LMTK3: variants seen among roughly 807,000 people sequenced by gnomAD.
LMTK3 encodes serine/threonine-protein kinase LMTK3.
Under a neutral mutation model 116.7 loss-of-function variants are expected in LMTK3, and 27 were observed. The observed-to-expected ratio is 0.23, with a 90% confidence interval of 0.17 to 0.32. LMTK3 has a LOEUF of 0.32. Ranked by LOEUF, LMTK3 falls within the 10% of genes least tolerant of loss-of-function variation. The probability of loss-of-function intolerance (pLI) is 1.00; values close to 1 mark genes in which losing one functional copy is unlikely to be tolerated. For missense variants in LMTK3, 1,764 were observed against 2,068.5 expected, an observed-to-expected ratio of 0.85 and a Z score of 2.86; for synonymous variants, 965 against 971.0, an observed-to-expected ratio of 0.99 and a Z score of 0.11.
At position 48,502,891 on chromosome 19, in the gene LMTK3, A is replaced by G. The variant is rs1569105540; in HGVS notation, c.645+18T>C. 6.3e-7 allele frequency: 1 copy of G among 1,593,666 alleles called. No homozygotes were observed. The highest frequency in any genetic ancestry group is 2.2e-5 in the East Asian group (1 of 44,526). ...CAGCTGCCCCCTCTGCCCTTCCCCAACCCCCCAAGACCCTCACCAGTTGAC... is the reference window on the plus strand; with the variant it reads ...CAGCTGCCCCCTCTGCCCTTCCCCAGCCCCCCAAGACCCTCACCAGTTGAC... On this transcript the variant is annotated intron_variant, in intron 6 of 14. Transcript: ENST00000600059.
Position 48,510,568 on chromosome 19 carries a change from G to A in LMTK3, c.101C>T (p.Pro34Leu). 1 of 1,595,070 alleles carries A rather than the reference G, an allele frequency of 6.3e-7. No individual in the cohort carries two copies. The highest frequency in any genetic ancestry group is 8.5e-7 in the Non-Finnish European group (1 of 1,172,000). ...GACCACAGCGTAGGGAGGAGCCAGA[G>A]GAGCCCGGCCCAGGGCGAATCCATC... ...HPDGFALGRA[P>L]LAPPYAVVLI... Residue 34 changes from proline to leucine, a missense_variant, in exon 2 of 15, where the codon CCT becomes CTT. Pro to Leu is a moderately conservative substitution (Grantham distance 98, BLOSUM62 -3). Around this residue, in one of 7 missense-constraint regions of LMTK3, gnomAD observed 66 missense variants for 61.1 expected, o/e 1.08. Coordinates refer to ENST00000600059, the MANE Select transcript of LMTK3 (RefSeq NM_001388485.1).
At chr19:48,513,533 G>T (rs1972694633), upstream of LMTK3, 1 of 281,836 alleles carries the variant, frequency 3.5e-6, no homozygotes, top group Non-Finnish European at 6.8e-6. This position sits in a 1 kb window ranked among gnomAD's most constrained non-coding sequence, Gnocchi z 5.6. Context: ...AGCGCCCCGA[G>T]CTGCAGACAC....
Position 48,494,131 on chromosome 19 carries a change from G to T in LMTK3, c.3677-22C>A. The T allele has an allele frequency of 8.5e-7, 1 of 1,181,994 alleles. No homozygotes were observed. Among genetic ancestry groups the T allele is most frequent in the South Asian group, 4.2e-5 (1 of 23,728 alleles). The allele number at this position is 1,181,994 out of a possible 1,614,324, so 73.2% of individuals were successfully genotyped here. A position where few individuals can be genotyped will look rare whatever the true frequency, so the allele number is the denominator to read the frequency against. ...CTGGCTGCGAGGGGAGAGACCTGGT[G>T]AGCCCCTGTCCCGGTGAAACTGAGG... On this transcript the variant is annotated intron_variant, in intron 11 of 14. Coordinates refer to ENST00000600059, the MANE Select transcript of LMTK3 (RefSeq NM_001388485.1). The surrounding 1 kb of genome is among the most constrained non-coding windows in gnomAD (Gnocchi z 4.0).
chr19:48,497,256 T>G lies in LMTK3; in HGVS notation c.3676+137A>C. On this transcript the variant is annotated intron_variant, in intron 11 of 14. Transcript: ENST00000600059. This position sits in a 1 kb window ranked among gnomAD's most constrained non-coding sequence, Gnocchi z 5.7. ...CTAGAGAGGGGGCTGAGCCACGATG[T>G]GAGCCCAGGTGGTGCAGGCTTCAGG... 4.4e-5 allele frequency: 42 copies of G among 962,814 alleles called. No homozygotes were observed. The highest frequency in any genetic ancestry group is 5.4e-5 in the Non-Finnish European group (39 of 723,092). The allele number at this position is 962,814 out of a possible 1,614,324, so 59.6% of individuals were successfully genotyped here. A position where few individuals can be genotyped will look rare whatever the true frequency, so the allele number is the denominator to read the frequency against.
rs1972634425 is a variant in LMTK3 at position 48,510,298 on chromosome 19, T to TC, written c.211-126dup. 1.5e-4 allele frequency: 211 copies of TC among 1,388,080 alleles called. 3 individuals are homozygous for TC. The South Asian group carries it at 2.8e-3, about 18-fold the overall frequency. The allele number at this position is 1,388,080 out of a possible 1,614,324, so 86.0% of individuals were successfully genotyped here. On this transcript the variant is annotated intron_variant, in intron 2 of 14. Coordinates refer to ENST00000600059, the MANE Select transcript of LMTK3 (RefSeq NM_001388485.1). The stretch of plus-strand genomic sequence containing the variant: ...TCTCCCAGTCCCAGCCCAATTTCCA[T>TC]CCCCCATTTCCCCATCCCAAGGCTC...
At chr19:48,506,270 AAAG>A (rs1196369763) in intron 5 of LMTK3, among the ~76,000 whole-genome samples, 5 of 151,892 alleles carry the variant, frequency 3.3e-5, no homozygotes, top group Non-Finnish European at 7.4e-5. Flanking sequence ...AAAAAAAAAA[AAAG>A]TATTTATTTA....
In LMTK3 at chr19:48,499,678, T is replaced by C; in HGVS notation, c.1391A>G (p.Asp464Gly). 1 of 1,529,808 alleles carries C rather than the reference T, an allele frequency of 6.5e-7. No homozygotes were observed. The highest frequency in any genetic ancestry group is 8.8e-7 in the Non-Finnish European group (1 of 1,137,440). 94.8% of individuals were successfully genotyped at this position (1,529,808 alleles called of 1,614,324 possible). The change falls in exon 11 of 15, where the codon GAT becomes GGT. Residue 464 changes from aspartate (D) to glycine (G), a missense_variant. Asp to Gly is a moderately conservative substitution (Grantham distance 94, BLOSUM62 -1). This residue lies in a region of LMTK3 where 16 missense variants were observed against 36.7 expected (regional missense o/e 0.44). Coordinates refer to ENST00000600059, the MANE Select transcript of LMTK3 (RefSeq NM_001388485.1). ...GCTACTCTCGGTGACCGTGAGCACA[T>C]CGTCGGGGTCGGCTCCAGGGAAGCC... ...LDGFPGADPD[D>G]VLTVTESSRG...
At chr19:48,499,938 G>C (rs550350411) in intron 10 of LMTK3, 21 bp from the exon 11 acceptor site, 4 of 1,567,886 alleles carry the variant, frequency 2.6e-6, no homozygotes, top group Middle Eastern at 2.1e-4. Context: ...GTGGGGCAGA[G>C]TGAGCAGGGC....
Position 48,491,254 on chromosome 19 carries a change from G to T in LMTK3, c.4229-9C>A, listed in dbSNP as rs1407388154. ...CCACTCGAAACTGCCTCCTGCGGCA[G>T]AAGGAAAGACCGCGGTCAGGCTGCA... On this transcript the variant is annotated splice_polypyrimidine_tract_variant and intron_variant, in intron 13 of 14. Coordinates refer to ENST00000600059, the MANE Select transcript of LMTK3 (RefSeq NM_001388485.1). This position sits in a 1 kb window ranked among gnomAD's most constrained non-coding sequence, Gnocchi z 5.1. 5.7e-6 allele frequency: 8 copies of T among 1,400,662 alleles called. No homozygotes were observed. The highest frequency in any genetic ancestry group is 6.5e-6 in the Non-Finnish European group (7 of 1,074,634). 86.8% of individuals were successfully genotyped at this position (1,400,662 alleles called of 1,614,324 possible). A position where few individuals can be genotyped will look rare whatever the true frequency, so the allele number is the denominator to read the frequency against.
chr19:48,487,396 A>G (rs1018417808), intron 14 of LMTK3, among the ~76,000 whole-genome samples: 1 of 152,018 alleles, frequency 6.6e-6, no homozygotes, highest in African/African-American at 2.4e-5. Context: ...GCTGGTCTCG[A>G]ACTCCTGACC....
Position 48,498,255 on chromosome 19 carries a change from G to A in LMTK3, c.2814C>T (p.Gly938=), listed in dbSNP as rs1972373968. The change falls in exon 11 of 15, where the codon GGC becomes GGT. Residue 938 remains glycine, a synonymous_variant. Coordinates refer to ENST00000600059, the MANE Select transcript of LMTK3 (RefSeq NM_001388485.1). The stretch of plus-strand genomic sequence containing the variant: ...CATTCTCCGCCGCCTTCTCCTCGAT[G>A]CCTGGGGCTCTCTGGTCCCCGTTCT... The part of the protein sequence containing the change: ...VLENGDQRAP[G]IEEKAAENGA... 6.2e-7 allele frequency: 1 copy of A among 1,612,522 alleles called. No homozygotes were observed. The highest frequency in any genetic ancestry group is 8.5e-7 in the Non-Finnish European group (1 of 1,179,412).
rs574121385 is a variant in LMTK3, at chr19:48,500,736, C to T, written c.1151+260G>A. Among the ~76,000 whole-genome samples, 6 of 152,276 alleles carry T rather than the reference C, an allele frequency of 3.9e-5. No homozygotes were observed. The East Asian group carries it at 1.2e-3, about 29-fold the overall frequency. On this transcript the variant is annotated intron_variant, in intron 10 of 14. Coordinates refer to ENST00000600059, the MANE Select transcript of LMTK3 (RefSeq NM_001388485.1). This position sits in a 1 kb window ranked among gnomAD's most constrained non-coding sequence, Gnocchi z 4.0. ...GAGGGTAGTGGTGTCCCTGTTTGCG[C>T]TGTGAGCTCTGGAATCAGACAGGTA...
rs116763079 is a variant in LMTK3 at position 48,492,259 on chromosome 19, G to T, written c.4093-720C>A. ...GCTGGAGAGCAGTGTTGTGATCATG[G>T]CTCAATGCAGCCTCAACCTCCTGGG... On this transcript the variant is annotated intron_variant, in intron 12 of 14. Transcript: ENST00000600059. Among the ~76,000 whole-genome samples the T allele has an allele frequency of 4.5e-3, 686 of 152,270 alleles. 3 individuals carry two copies. Among genetic ancestry groups the T allele is most frequent in the African/African-American group, 0.015 (642 of 41,534 alleles).
chr19:48,512,792 C>G (rs1164610349), upstream of LMTK3, among the ~76,000 whole-genome samples: 1 of 152,100 alleles, frequency 6.6e-6, no homozygotes, highest in East Asian at 1.9e-4. Context: ...ACATACAGGG[C>G]TACATAAATC....
Position 48,493,930 on chromosome 19 carries a change from C to G in LMTK3, c.3856G>C (p.Glu1286Gln). 1 of 1,030,534 alleles carries G rather than the reference C, an allele frequency of 9.7e-7. No individual in the cohort carries two copies. The highest frequency in any genetic ancestry group is 1.2e-6 in the Non-Finnish European group (1 of 862,854). The allele number at this position is 1,030,534 out of a possible 1,614,324, so 63.8% of individuals were successfully genotyped here. The change falls in exon 12 of 15, where the codon GAG becomes CAG. Residue 1286 changes from glutamate to glutamine, a missense_variant. Transcript: ENST00000600059. ...EDGEDEDEDE[E>Q]EDEEAAAPGA... ...GGCGCCGCCGCCTCCTCGTCCTCCT[C>G]CTCGTCCTCGTCCTCGTCCTCCCCG...
chr19:48,501,576 G>T lies in LMTK3; in HGVS notation c.795-14C>A. 1 of 1,596,592 alleles carries T rather than the reference G, an allele frequency of 6.3e-7. No homozygotes were observed. Among genetic ancestry groups the T allele is most frequent in the African/African-American group, 1.3e-5 (1 of 74,670 alleles). On this transcript the variant is annotated splice_polypyrimidine_tract_variant and intron_variant, in intron 7 of 14. Transcript: ENST00000600059. ...AGGGCCAGGTCGCTGCGGGAAGAACGCGAGGAGGTGAGCGCAGGGGCAGCC... is the reference window on the plus strand; with the variant it reads ...AGGGCCAGGTCGCTGCGGGAAGAACTCGAGGAGGTGAGCGCAGGGGCAGCC...
At position 48,509,532 on chromosome 19, in the gene LMTK3, G is replaced by A; in HGVS notation, c.362-19C>T. On this transcript the variant is annotated intron_variant, in intron 3 of 14. Transcript: ENST00000600059. ...GTCATGTCTGGGGAGGGCAAGAGGGGAAAGCCCCTGAGTCTCTCCCCCTTC... is the reference window on the plus strand; with the variant it reads ...GTCATGTCTGGGGAGGGCAAGAGGGAAAAGCCCCTGAGTCTCTCCCCCTTC... 3 of 1,538,620 alleles carry A rather than the reference G, an allele frequency of 1.9e-6. No individual in the cohort carries two copies. The highest frequency in any genetic ancestry group is 8.8e-7 in the Non-Finnish European group (1 of 1,139,462).
At chr19:48,496,758 A>T (rs1972335134) in intron 11 of LMTK3, among the ~76,000 whole-genome samples, 1 of 152,272 alleles carries the variant, frequency 6.6e-6, no homozygotes, top group African/African-American at 2.4e-5. Context: ...CAGCTTATTA[A>T]GTTTAAATCA....
chr19:48,496,992 G>A (rs182185174), intron 11 of LMTK3, among the ~76,000 whole-genome samples: 2 of 152,186 alleles, frequency 1.3e-5, no homozygotes, highest in African/African-American at 2.4e-5. Context: ...TGCTTCATCC[G>A]TTTCCCTATG....
Sources: gnomAD v4.1 joint callset for allele counts (sites outside exome capture counted in the v4.1 genomes callset) on GRCh38, gnomAD v4.1.1 for gene constraint, gnomAD v4.1.1 regional missense constraint, Gnocchi (gnomAD v3.1) non-coding constraint, MANE v1.5 for transcripts, NCBI Gene and HGNC (gene_info 2026-07-23, HGNC 2026-07-21) for gene names.